ZCCHC14: variants seen among roughly 807,000 people sequenced by gnomAD.
ZCCHC14 encodes the protein zinc finger CCHC-type containing 14.
In ZCCHC14, 16 loss-of-function variants were observed where a neutral mutation model predicts 85.0. The ratio of observed to expected loss-of-function variants is 0.19; its 90% CI spans 0.13 to 0.29. The LOEUF (loss-of-function observed/expected upper bound fraction) is 0.29. Ranked by LOEUF, ZCCHC14 falls within the 10% of genes least tolerant of loss-of-function variation. The pLI is 1.00. For missense variants in ZCCHC14, 1,303 were observed against 1,443.5 expected (o/e 0.90, Z 1.58); for synonymous variants, 775 against 630.7 (o/e 1.23, Z -3.43).
At chr16:87,460,692 A>G (rs1465942240) in intron 1 of ZCCHC14, among the ~76,000 whole-genome samples, 2 of 152,180 alleles carry the variant, frequency 1.3e-5, no homozygotes, top group African/African-American at 2.4e-5. Flanking sequence ...TCTATCTCCA[A>G]GAAAAAAAAA....
intron 7 of ZCCHC14, 41 bp downstream of exon 7, chr16:87,418,806 T>C (rs762280130): frequency 2.5e-6 from 4 of 1,584,604 alleles, no homozygotes; most frequent in East Asian, 4.5e-5. Flanking sequence ...CATTGTAAAA[T>C]GCTTATCTGA....
chr16:87,481,755 G>C (rs1279420965), intron 1 of ZCCHC14, among the ~76,000 whole-genome samples: 1 of 152,178 alleles, frequency 6.6e-6, no homozygotes, highest in African/African-American at 2.4e-5. Flanking sequence ...CTGGCTGGAA[G>C]GGATTAGAAG....
chr16:87,490,748 G>T (rs1912717478), intron 1 of ZCCHC14, among the ~76,000 whole-genome samples: 1 of 152,214 alleles, frequency 6.6e-6, no homozygotes, highest in African/African-American at 2.4e-5. Context: ...TCTGTTACAG[G>T]TAGCCCGGCT....
intron 1 of ZCCHC14, among the ~76,000 whole-genome samples, chr16:87,482,547 G>A (rs1597454931): frequency 2.0e-5 from 3 of 152,256 alleles, no homozygotes; most frequent in Admixed American, 6.5e-5. Context: ...AACCCTTCCT[G>A]GGGATTCCTC....
rs1359594469 is a variant in ZCCHC14 at position 87,459,952 on chromosome 16, G to C, written c.694+56C>G. ...TAACAATGCCCTCACGGGGATCTGG[G>C]GTGTGCCCATCCTCCGTCCGTCAGA... On this transcript the variant is annotated intron_variant, in intron 2 of 12. Coordinates refer to ENST00000671377, the MANE Select transcript of ZCCHC14 (RefSeq NM_015144.3). The C allele has an allele frequency of 1.9e-6, 3 of 1,612,136 alleles. No individual in the cohort carries two copies. In the East Asian group the frequency reaches 6.7e-5, roughly 36 times the overall value.
At chr16:87,472,844 TGCGACTACAGGC>T (rs1412467905) in intron 1 of ZCCHC14, 1 of 152,132 alleles carries the variant, frequency 6.6e-6, no homozygotes, top group Non-Finnish European at 1.5e-5. Flanking sequence ...CCTGAGCAGC[TGCGACTACAGGC>T]GTGTACCACA....
chr16:87,458,778 G>A (rs550542245), intron 2 of ZCCHC14, among the ~76,000 whole-genome samples: 4 of 152,310 alleles, frequency 2.6e-5, no homozygotes, highest in African/African-American at 9.6e-5. Flanking sequence ...CACCTGCTAG[G>A]AGACAAACAT....
At position 87,406,371 on chromosome 16, in the gene ZCCHC14, G is replaced by C. The variant is rs1479651912; in HGVS notation, c.*3909C>G. On this transcript the variant is annotated 3_prime_UTR_variant, in exon 13 of 13. Coordinates refer to ENST00000671377, the MANE Select transcript of ZCCHC14 (RefSeq NM_015144.3). ...TAAAAACCCCAAAAACAGAATACTT[G>C]ACATTTACAATTCAAAATCAAATTA... is the stretch of plus-strand genomic sequence containing the variant. The C allele has an allele frequency of 6.6e-6, 1 of 152,502 alleles. No homozygotes were observed. The highest frequency in any genetic ancestry group is 1.5e-5 in the Non-Finnish European group (1 of 68,032). The allele number at this position is 152,502 out of a possible 1,614,324, so 9.4% of individuals were successfully genotyped here.
chr16:87,458,974 G>A (rs1256782564), intron 2 of ZCCHC14, among the ~76,000 whole-genome samples: 2 of 152,080 alleles, frequency 1.3e-5, no homozygotes, highest in Non-Finnish European at 2.9e-5. Flanking sequence ...TGCATTATCT[G>A]GTCCATCTAG....
chr16:87,463,565 TCCCAGCACTCTGGGAGGCCGAGG>T (rs1487761421), intron 1 of ZCCHC14, among the ~76,000 whole-genome samples: 3 of 152,102 alleles, frequency 2.0e-5, no homozygotes, highest in Admixed American at 6.5e-5. Context: ...ACGTCTGTAA[TCCCAGCACTCTGGGAGGCCGAGG>T]CGGACAGATC....
At chr16:87,441,321 C>A (rs539582391) in intron 2 of ZCCHC14, among the ~76,000 whole-genome samples, 2 of 152,356 alleles carry the variant, frequency 1.3e-5, no homozygotes, top group East Asian at 1.9e-4. Flanking sequence ...AATACTCAAG[C>A]TGATTACTAA....
chr16:87,432,479 C>T (rs953764573), intron 3 of ZCCHC14, among the ~76,000 whole-genome samples: 4 of 152,096 alleles, frequency 2.6e-5, no homozygotes, highest in Non-Finnish European at 2.9e-5. Flanking sequence ...CACCTTGGGC[C>T]GGGAGCAGAG....
At chr16:87,475,485 G>A (rs921735021) in intron 1 of ZCCHC14, among the ~76,000 whole-genome samples, 6 of 150,744 alleles carry the variant, frequency 4.0e-5, no homozygotes, top group Non-Finnish European at 7.4e-5. Flanking sequence ...CCCAGGAGTC[G>A]GAGGTTGCAG....
chr16:87,492,318 G>A lies in ZCCHC14; in HGVS notation c.-80C>T. On this transcript the variant is annotated 5_prime_UTR_variant, in exon 1 of 13. Transcript: ENST00000671377. The surrounding 1 kb of genome is among the most constrained non-coding windows in gnomAD (Gnocchi z 6.7). ...GGGGGGCGCCGGGGGCCGCGGCCGG[G>A]GCGCGCCGGGACCGGGGACGCGCGG... 1.5e-6 allele frequency: 1 copy of A among 688,768 alleles called. No homozygotes were observed. The highest frequency in any genetic ancestry group is 1.8e-6 in the Non-Finnish European group (1 of 563,414). 42.7% of individuals were successfully genotyped at this position (688,768 alleles called of 1,614,324 possible).
At chr16:87,422,405 T>C (rs1248129473) in intron 4 of ZCCHC14, among the ~76,000 whole-genome samples, 4 of 151,546 alleles carry the variant, frequency 2.6e-5, no homozygotes, top group African/African-American at 7.3e-5. Flanking sequence ...GCAGAAGAAA[T>C]GCTTGAGGAG....
At chr16:87,478,429 T>C (rs1912120548) in intron 1 of ZCCHC14, among the ~76,000 whole-genome samples, 3 of 152,016 alleles carry the variant, frequency 2.0e-5, no homozygotes, top group Admixed American at 6.6e-5. Context: ...GACTGGAAAA[T>C]GGCCTGAGTT....
At chr16:87,463,738 G>A (rs972503335) in intron 1 of ZCCHC14, among the ~76,000 whole-genome samples, 7 of 152,294 alleles carry the variant, frequency 4.6e-5, no homozygotes, top group Middle Eastern at 3.4e-3. Context: ...CAGGGGGATC[G>A]CTTCAACGCG....
chr16:87,465,559 T>A (rs1418630123), intron 1 of ZCCHC14, among the ~76,000 whole-genome samples: 2 of 152,334 alleles, frequency 1.3e-5, no homozygotes, highest in African/African-American at 4.8e-5. Flanking sequence ...TAGGGGCACC[T>A]GGACTTGGGC....
intron 3 of ZCCHC14, among the ~76,000 whole-genome samples, chr16:87,429,478 A>G (rs1234078769): frequency 1.3e-5 from 2 of 152,138 alleles, no homozygotes; most frequent in Admixed American, 1.3e-4. Flanking sequence ...CACCTGGCAG[A>G]ACTCTCAAAA....
Sources: allele counts gnomAD v4.1 joint callset (sites outside exome capture counted in the v4.1 genomes callset), GRCh38; gene constraint gnomAD v4.1.1; non-coding constraint Gnocchi (gnomAD v3.1); transcripts MANE v1.5; gene names NCBI Gene and HGNC (gene_info 2026-07-23, HGNC 2026-07-21).